The following SPOCK3 variants were observed in gnomAD, a reference collection of about 807,000 sequenced individuals.
The protein encoded by SPOCK3 is testican-3.
In SPOCK3, 30 loss-of-function variants were observed where a neutral mutation model predicts 56.6. That is an observed-to-expected ratio of 0.53 (90% confidence interval 0.40 to 0.72). The LOEUF is 0.72. Among genes scored for constraint, SPOCK3 ranks in the 30% least tolerant of loss-of-function variants. The pLI is 0.00. For missense variants in SPOCK3, 527 were observed against 530.0 expected (o/e 0.99, Z 0.06); for synonymous variants, 196 against 183.3 (o/e 1.07, Z -0.56).
At chr4:167,207,447 C>A (rs923137543) in intron 2 of SPOCK3, among the ~76,000 whole-genome samples, 1 of 151,990 alleles carries the variant, frequency 6.6e-6, no homozygotes, top group African/African-American at 2.4e-5. Context: ...ATAATATTTT[C>A]AATTACTACA....
chr4:167,111,640 G>A (rs535452676), intron 2 of SPOCK3, among the ~76,000 whole-genome samples: 13 of 152,092 alleles, frequency 8.5e-5, no homozygotes, highest in Middle Eastern at 3.2e-3. Flanking sequence ...TGAGTTATGG[G>A]AAGATTGCTG....
At chr4:167,014,273 TG>T (rs1206491935) in intron 3 of SPOCK3, among the ~76,000 whole-genome samples, 4 of 50,098 alleles carry the variant, frequency 8.0e-5, no homozygotes, top group Middle Eastern at 0.01. Context: ...TTTTCTTGAG[TG>T]GGTTTTTTTT....
At chr4:166,792,026 T>A in intron 7 of SPOCK3, 144 bp downstream of exon 7, 1 of 893,480 alleles carries the variant, frequency 1.1e-6, no homozygotes. Context: ...AATACAGGTG[T>A]GCTTGGAAGT....
At chr4:167,078,030 G>C (rs1757354865) in intron 2 of SPOCK3, among the ~76,000 whole-genome samples, 1 of 151,824 alleles carries the variant, frequency 6.6e-6, no homozygotes, top group Non-Finnish European at 1.5e-5. Flanking sequence ...ATTCTATAGA[G>C]AGTCATGGTA....
chr4:167,211,362 GAT>G (rs1306502969), intron 2 of SPOCK3, among the ~76,000 whole-genome samples: 1 of 152,102 alleles, frequency 6.6e-6, no homozygotes, highest in East Asian at 1.9e-4. Flanking sequence ...AGTTAATGCT[GAT>G]ATGAGTTAAC....
intron 2 of SPOCK3, among the ~76,000 whole-genome samples, chr4:167,066,962 G>A (rs1756207539): frequency 6.6e-6 from 1 of 151,758 alleles, no homozygotes. Flanking sequence ...GTTCATTTGT[G>A]TCCACACAGC....
chr4:167,034,685 T>C (rs959280564), intron 3 of SPOCK3, among the ~76,000 whole-genome samples: 2 of 152,122 alleles, frequency 1.3e-5, no homozygotes, highest in African/African-American at 4.8e-5. Flanking sequence ...TGGTGAGAAT[T>C]CCAATTTAAC....
At chr4:166,926,319 AG>A (rs1457265030) in intron 4 of SPOCK3, among the ~76,000 whole-genome samples, 1 of 152,152 alleles carries the variant, frequency 6.6e-6, no homozygotes, top group Non-Finnish European at 1.5e-5. Flanking sequence ...ATGGGCTCTT[AG>A]GAGTAGGTCA....
chr4:166,924,164 G>A (rs1016708707), intron 4 of SPOCK3, among the ~76,000 whole-genome samples: 4 of 152,110 alleles, frequency 2.6e-5, no homozygotes, highest in African/African-American at 9.7e-5. Context: ...TCAAACAAGT[G>A]TCTTTTTTTC....
At chr4:166,767,468 G>C (rs924422766) in intron 7 of SPOCK3, among the ~76,000 whole-genome samples, 6 of 152,244 alleles carry the variant, frequency 3.9e-5, no homozygotes, top group African/African-American at 1.4e-4. Context: ...TTCAGGAGCA[G>C]GTTGTTCAGT....
chr4:166,972,455 G>GA (rs1173837109), intron 4 of SPOCK3, among the ~76,000 whole-genome samples: 1 of 151,948 alleles, frequency 6.6e-6, no homozygotes, highest in Non-Finnish European at 1.5e-5. Flanking sequence ...ACATCAAAAA[G>GA]AAAAACTGAC....
intron 6 of SPOCK3, among the ~76,000 whole-genome samples, chr4:166,853,614 G>A (rs1185491901): frequency 6.6e-6 from 1 of 152,188 alleles, no homozygotes; most frequent in Non-Finnish European, 1.5e-5. Flanking sequence ...TGGGCACAGT[G>A]ACTCACTCCT....
intron 6 of SPOCK3, among the ~76,000 whole-genome samples, chr4:166,833,068 AT>A (rs1458317479): frequency 1.3e-5 from 2 of 152,214 alleles, no homozygotes; most frequent in African/African-American, 4.8e-5. Flanking sequence ...AGTTGATATC[AT>A]TTTTAAAAAA....
intron 2 of SPOCK3, among the ~76,000 whole-genome samples, chr4:167,093,931 A>G (rs923482343): frequency 2.0e-5 from 3 of 152,120 alleles, no homozygotes; most frequent in Non-Finnish European, 4.4e-5. Context: ...ATTTCTTCCA[A>G]ACTTATGTGC....
chr4:166,744,653 G>C (rs6553792), intron 8 of SPOCK3, among the ~76,000 whole-genome samples: 120,120 of 152,018 alleles, frequency 0.79, 47,713 homozygotes, highest in South Asian at 0.82. Flanking sequence ...GTTGACAGAA[G>C]TAGGCTTCAG....
intron 6 of SPOCK3, 23 bp downstream of exon 6, chr4:166,889,107 A>C: frequency 7.3e-7 from 1 of 1,374,432 alleles, no homozygotes; most frequent in Non-Finnish European, 1.0e-6. Context: ...ATGTAAAATT[A>C]TAAATATATT....
At chr4:166,784,325 C>T (rs1484059362) in intron 7 of SPOCK3, among the ~76,000 whole-genome samples, 1 of 152,056 alleles carries the variant, frequency 6.6e-6, no homozygotes, top group African/African-American at 2.4e-5. Flanking sequence ...TATAGCAATA[C>T]TTTTAAACTA....
chr4:166,860,127 T>C (rs1387568332), intron 6 of SPOCK3, among the ~76,000 whole-genome samples: 1 of 152,142 alleles, frequency 6.6e-6, no homozygotes, highest in African/African-American at 2.4e-5. Context: ...GCTGGTATCA[T>C]ATCACCTAGA....
In SPOCK3 at chr4:166,896,918, C is replaced by T. The variant is rs559485851; in HGVS notation, c.475-7674G>A. Among the ~76,000 whole-genome samples, 16 of 152,124 alleles carry T rather than the reference C, an allele frequency of 1.1e-4. No individual in the cohort carries two copies. In the East Asian group the frequency reaches 2.7e-3, roughly 26 times the overall value. On this transcript the variant is annotated intron_variant, in intron 5 of 10. Coordinates refer to ENST00000357545, the MANE Select transcript of SPOCK3 (RefSeq NM_001040159.2). ...TATTAGAGAGCTCAACCCTTCCCCC[C>T]TTCACCAACTGGGGGGCCCCTCTGA...
Sources: allele counts gnomAD v4.1 joint callset (sites outside exome capture counted in the v4.1 genomes callset), GRCh38; gene constraint gnomAD v4.1.1; transcripts MANE v1.5; gene names NCBI Gene and HGNC (gene_info 2026-07-23, HGNC 2026-07-21).